The following RNF220 variants were observed in gnomAD, a reference collection of about 807,000 sequenced individuals.
RNF220 encodes the protein E3 ubiquitin-protein ligase RNF220.
A neutral mutation model predicts 67.1 loss-of-function variants in RNF220; 7 were observed. That is an observed-to-expected ratio of 0.10 (90% CI 0.06 to 0.20). The LOEUF is 0.20. Among genes scored for constraint, RNF220 ranks in the 10% least tolerant of loss-of-function variants. RNF220 has a pLI of 1.00. For synonymous variants in RNF220, 270 were observed against 283.2 expected, an observed-to-expected ratio of 0.95 and a Z score of 0.47; for missense variants, 565 against 740.3, an observed-to-expected ratio of 0.76 and a Z score of 2.75.
In RNF220 at chr1:44,412,849, C is replaced by T; in HGVS notation, c.625+127C>T. 1 of 1,015,694 alleles carries T rather than the reference C, an allele frequency of 9.8e-7. No individual in the cohort carries two copies. Among genetic ancestry groups the T allele is most frequent in the Non-Finnish European group, 1.5e-6 (1 of 685,620 alleles). 62.9% of individuals were successfully genotyped at this position (1,015,694 alleles called of 1,614,324 possible). A position where few individuals can be genotyped will look rare whatever the true frequency, so the allele number is the denominator to read the frequency against. The stretch of plus-strand genomic sequence containing the variant: ...GGGCCAACTACTTCCCTTTCACTAG[C>T]TGTGGAGTGCTAACCTTTGCTTGTC... On this transcript the variant is annotated intron_variant, in intron 2 of 14. Transcript: ENST00000361799. This position sits in a 1 kb window ranked among gnomAD's most constrained non-coding sequence, Gnocchi z 5.3.
chr1:44,609,658 G>A (rs140858933), intron 2 of RNF220, among the ~76,000 whole-genome samples: 24 of 152,220 alleles, frequency 1.6e-4, no homozygotes, highest in African/African-American at 5.8e-4. Context: ...CTAGGACCCC[G>A]GGTACCTGAG....
At chr1:44,508,359 G>T (rs1307707471) in intron 2 of RNF220, among the ~76,000 whole-genome samples, 1 of 152,164 alleles carries the variant, frequency 6.6e-6, no homozygotes, top group African/African-American at 2.4e-5. Context: ...GTCGTGTGGG[G>T]TCAGCAGGTG....
chr1:44,450,458 C>T (rs74226359), intron 2 of RNF220, among the ~76,000 whole-genome samples: 13 of 152,256 alleles, frequency 8.5e-5, no homozygotes, highest in South Asian at 4.1e-4. Context: ...TAAATAACTG[C>T]GCTGTTTACT....
chr1:44,532,286 C>T (rs1660894105), intron 2 of RNF220, among the ~76,000 whole-genome samples: 1 of 152,178 alleles, frequency 6.6e-6, no homozygotes, highest in East Asian at 1.9e-4. Flanking sequence ...TCATACTGAC[C>T]TTATCAACTA....
chr1:44,449,545 C>A (rs1652453456), intron 2 of RNF220, among the ~76,000 whole-genome samples: 1 of 152,084 alleles, frequency 6.6e-6, no homozygotes, highest in Non-Finnish European at 1.5e-5. Context: ...TCCCAAGTAG[C>A]TGGGATTACA....
chr1:44,429,188 G>A (rs754804075), intron 2 of RNF220, among the ~76,000 whole-genome samples: 51 of 151,754 alleles, frequency 3.4e-4, no homozygotes, highest in South Asian at 6.3e-4. Context: ...AAGCTGGGGG[G>A]AGTAATGAAT....
At chr1:44,512,247 G>A (rs1440189043) in intron 2 of RNF220, among the ~76,000 whole-genome samples, 1 of 152,152 alleles carries the variant, frequency 6.6e-6, no homozygotes, top group Non-Finnish European at 1.5e-5. Context: ...AAGCTGATAG[G>A]TAGGTGTGGC....
chr1:44,529,438 G>A (rs1572784148), intron 2 of RNF220, among the ~76,000 whole-genome samples: 2 of 151,664 alleles, frequency 1.3e-5, no homozygotes, highest in Non-Finnish European at 2.9e-5. Context: ...GCAGTGGCAC[G>A]ATCCTGGCTC....
At chr1:44,563,234 G>A (rs1460323776) in intron 2 of RNF220, among the ~76,000 whole-genome samples, 1 of 129,130 alleles carries the variant, frequency 7.7e-6, no homozygotes, top group Non-Finnish European at 1.9e-5. Context: ...TAGGTCCTCA[G>A]GGGCGAGGCT....
In RNF220 at chr1:44,504,852, C is replaced by T. The variant is rs546127857; in HGVS notation, c.625+92130C>T. Among the ~76,000 whole-genome samples the T allele has an allele frequency of 7.2e-5, 11 of 152,252 alleles. No homozygotes were observed. In the East Asian group the frequency reaches 1.7e-3, roughly 24 times the overall value. On this transcript the variant is annotated intron_variant, in intron 2 of 14. Transcript: ENST00000361799. ...CAAATTTGTCTCTGGCCTCTCTTCCCTCTCCCAATGTTCCCTTTCACCTTG... is the reference window on the plus strand; with the variant it reads ...CAAATTTGTCTCTGGCCTCTCTTCCTTCTCCCAATGTTCCCTTTCACCTTG...
At chr1:44,584,140 G>A (rs978845652) in intron 2 of RNF220, among the ~76,000 whole-genome samples, 2 of 152,222 alleles carry the variant, frequency 1.3e-5, no homozygotes, top group Non-Finnish European at 2.9e-5. Flanking sequence ...GGGAACTCCA[G>A]CTCGAGCAGC....
chr1:44,588,739 G>A (rs1166898099), intron 2 of RNF220, among the ~76,000 whole-genome samples: 1 of 152,228 alleles, frequency 6.6e-6, no homozygotes, highest in Non-Finnish European at 1.5e-5. Flanking sequence ...GCTTAGGGCT[G>A]GCTATGAGCA....
intron 2 of RNF220, among the ~76,000 whole-genome samples, chr1:44,493,252 A>C (rs1392816681): frequency 6.6e-6 from 1 of 152,262 alleles, no homozygotes; most frequent in Non-Finnish European, 1.5e-5. Context: ...GCAGTGGCTT[A>C]CGCCTGTAAT....
In RNF220 at chr1:44,649,856, AC is replaced by A; in HGVS notation, c.1555-23del. ...GAGAGGGTGGGCCTACCTCAGAGTGACCCCTTCTCTGCCCCCTCCTCCCTAG... is the reference window on the plus strand; with the variant it reads ...GAGAGGGTGGGCCTACCTCAGAGTGACCCTTCTCTGCCCCCTCCTCCCTAG... On this transcript the variant is annotated intron_variant, in intron 13 of 14. Coordinates refer to ENST00000361799, the MANE Select transcript of RNF220 (RefSeq NM_018150.4). This position sits in a 1 kb window ranked among gnomAD's most constrained non-coding sequence, Gnocchi z 5.9. 6.2e-7 allele frequency: 1 copy of A among 1,613,608 alleles called. No homozygotes were observed. Among genetic ancestry groups the A allele is most frequent in the South Asian group, 1.1e-5 (1 of 91,066 alleles).
At chr1:44,595,262 C>T (rs778354303) in intron 2 of RNF220, among the ~76,000 whole-genome samples, 19 of 152,190 alleles carry the variant, frequency 1.2e-4, no homozygotes, top group Non-Finnish European at 2.2e-4. Flanking sequence ...ACACCTCGGC[C>T]GGCTCCGGGG....
chr1:44,488,727 CTTTTTTTTTTTT>C lies in RNF220; in HGVS notation c.625+76015_625+76026del. Among the ~76,000 whole-genome samples, 2 of 102,558 alleles carry C rather than the reference CTTTTTTTTTTTT, an allele frequency of 2.0e-5. 1 individual carries two copies. The highest frequency in any genetic ancestry group is 7.1e-4 in the South Asian group (2 of 2,822). 67.3% of individuals were successfully genotyped at this position (102,558 alleles called of 152,430 possible). On this transcript the variant is annotated intron_variant, in intron 2 of 14. Transcript: ENST00000361799. ...CTTAGCCTTTTTCTTTTTCTTTTTT[CTTTTTTTTTTTT>C]TTTTTTTTTGAGACGGAGTCTCACT...
intron 2 of RNF220, among the ~76,000 whole-genome samples, chr1:44,489,092 A>T (rs17381720): frequency 0.36 from 54,286 of 151,924 alleles, 11,036 homozygotes; most frequent in Non-Finnish European, 0.46. Context: ...TCATCCTTCA[A>T]TAATGGATCT....
intron 6 of RNF220, chr1:44,633,025 T>G (rs571352415): frequency 1.3e-5 from 2 of 152,706 alleles, no homozygotes; most frequent in Admixed American, 6.5e-5. Context: ...AATTGAATGA[T>G]CCTAGCTTTT....
In RNF220 at chr1:44,519,308, C is replaced by G. The variant is rs544005459; in HGVS notation, c.626-94857C>G. On this transcript the variant is annotated intron_variant, in intron 2 of 14. Transcript: ENST00000361799. ...TACATGTCAAGCACTACGCTAGGCA[C>G]TGAACATATGATAATAAATCAGACA... Among the ~76,000 whole-genome samples, 64 of 152,192 alleles carry G rather than the reference C, an allele frequency of 4.2e-4. 1 individual carries two copies. Among genetic ancestry groups the G allele is most frequent in the South Asian group, 1.2e-3 (6 of 4,816 alleles).
Sources: gnomAD v4.1 joint callset for allele counts (sites outside exome capture counted in the v4.1 genomes callset) on GRCh38, gnomAD v4.1.1 for gene constraint, Gnocchi (gnomAD v3.1) non-coding constraint, MANE v1.5 for transcripts, NCBI Gene and HGNC (gene_info 2026-07-23, HGNC 2026-07-21) for gene names.